The following SNTG1 variants were observed in gnomAD, a reference collection of about 807,000 sequenced individuals.
The protein encoded by SNTG1 is gamma-1-syntrophin.
Under a neutral mutation model 74.7 loss-of-function variants are expected in SNTG1, and 39 were observed. The observed-to-expected ratio is 0.52, with a 90% CI of 0.40 to 0.68. The LOEUF is 0.68. SNTG1 is among the 30% of genes least tolerant of loss of function. The pLI, the probability that SNTG1 is intolerant of heterozygous loss-of-function variation, is 0.00. For missense variants in SNTG1, 685 were observed against 609.5 expected (o/e 1.12, Z -1.30); for synonymous variants, 254 against 217.1 (o/e 1.17, Z -1.49).
intron 13 of SNTG1, among the ~76,000 whole-genome samples, chr8:50,611,037 T>G (rs983143098): frequency 2.6e-5 from 4 of 152,164 alleles, no homozygotes; most frequent in Non-Finnish European, 5.9e-5. Context: ...TAAAAATGCA[T>G]GGAACTTTTT....
chr8:50,062,971 C>T (rs947994079), intron 1 of SNTG1, among the ~76,000 whole-genome samples: 10 of 152,292 alleles, frequency 6.6e-5, no homozygotes, highest in Middle Eastern at 3.4e-3. Flanking sequence ...GAGCTAATGA[C>T]TGCAGACTTA....
At chr8:49,921,575 C>A (rs980389834) in intron 1 of SNTG1, among the ~76,000 whole-genome samples, 1 of 152,020 alleles carries the variant, frequency 6.6e-6, no homozygotes, top group African/African-American at 2.4e-5. Context: ...GTGTTATCTC[C>A]CTTATTGCTT....
chr8:50,766,058 A>C (rs767457315), intron 18 of SNTG1, among the ~76,000 whole-genome samples: 34 of 152,124 alleles, frequency 2.2e-4, no homozygotes, highest in Non-Finnish European at 3.8e-4. Context: ...TATGAGTTGC[A>C]GTGGATTCTA....
chr8:50,162,004 A>G (rs1384367882), intron 1 of SNTG1, among the ~76,000 whole-genome samples: 1 of 152,164 alleles, frequency 6.6e-6, no homozygotes, highest in Non-Finnish European at 1.5e-5. Flanking sequence ...AGGGAAGGAG[A>G]AAGAGAAGAG....
At chr8:50,080,340 TTTTTATGTCCTTGAGTA>T (rs1563563520) in intron 1 of SNTG1, among the ~76,000 whole-genome samples, 1 of 152,184 alleles carries the variant, frequency 6.6e-6, no homozygotes, top group Non-Finnish European at 1.5e-5. Context: ...AATTTCAATC[TTTTTATGTCCTTGAGTA>T]TAAGATGTGT....
chr8:50,421,685 A>G (rs1219613834), intron 4 of SNTG1, among the ~76,000 whole-genome samples: 2 of 152,120 alleles, frequency 1.3e-5, no homozygotes, highest in African/African-American at 4.8e-5. Context: ...CTCTGACAAC[A>G]CCAATAGTCA....
intron 18 of SNTG1, among the ~76,000 whole-genome samples, chr8:50,784,520 A>G (rs1454055807): frequency 1.3e-5 from 2 of 152,218 alleles, no homozygotes; most frequent in Non-Finnish European, 2.9e-5. Flanking sequence ...TGATGATAAC[A>G]GAGCTCCAAA....
At chr8:50,120,037 C>T (rs909321744) in intron 1 of SNTG1, among the ~76,000 whole-genome samples, 8 of 141,524 alleles carry the variant, frequency 5.7e-5, no homozygotes, top group African/African-American at 2.0e-4. Context: ...AAGATGAAAC[C>T]AGTCTTCCTG....
chr8:50,623,517 A>G (rs2094936738), intron 13 of SNTG1, among the ~76,000 whole-genome samples: 1 of 152,112 alleles, frequency 6.6e-6, no homozygotes, highest in African/African-American at 2.4e-5. Context: ...ATTTAATTCA[A>G]TGATCAAGAA....
chr8:50,339,848 G>A (rs1193078021), intron 2 of SNTG1, among the ~76,000 whole-genome samples: 1 of 151,894 alleles, frequency 6.6e-6, no homozygotes, highest in Non-Finnish European at 1.5e-5. Flanking sequence ...TCATTAAAAT[G>A]CTCTAAATAT....
chr8:50,595,100 T>A (rs2094718325), intron 13 of SNTG1, among the ~76,000 whole-genome samples: 1 of 151,882 alleles, frequency 6.6e-6, no homozygotes, highest in Admixed American at 6.6e-5. Context: ...CAATTGGTCT[T>A]TATTTTTGGG....
chr8:50,132,629 CT>C (rs2081352555), intron 1 of SNTG1, among the ~76,000 whole-genome samples: 1 of 152,162 alleles, frequency 6.6e-6, no homozygotes, highest in Non-Finnish European at 1.5e-5. Context: ...TCCTCTGGGC[CT>C]TCTGTGGCAA....
At chr8:50,207,217 G>T (rs1227028360) in intron 2 of SNTG1, among the ~76,000 whole-genome samples, 1 of 152,128 alleles carries the variant, frequency 6.6e-6, no homozygotes. Flanking sequence ...TGGTTGGTAA[G>T]CTATTAATTA....
At chr8:50,168,098 T>A (rs562436914) in intron 1 of SNTG1, among the ~76,000 whole-genome samples, 3 of 152,166 alleles carry the variant, frequency 2.0e-5, no homozygotes, top group Non-Finnish European at 1.5e-5. Context: ...ATTCCTTTAA[T>A]TTGTATGATA....
At chr8:49,953,734 G>T (rs908489570) in intron 1 of SNTG1, among the ~76,000 whole-genome samples, 1 of 152,188 alleles carries the variant, frequency 6.6e-6, no homozygotes, top group East Asian at 1.9e-4. Context: ...CATTGGTATT[G>T]TTATTGCTGA....
chr8:50,174,097 C>A (rs2082906836), intron 2 of SNTG1, among the ~76,000 whole-genome samples: 1 of 152,158 alleles, frequency 6.6e-6, no homozygotes, highest in South Asian at 2.1e-4. Context: ...GTTTGGTTTT[C>A]TGTTCTTGTG....
intron 12 of SNTG1, among the ~76,000 whole-genome samples, chr8:50,574,099 A>T (rs1265077550): frequency 6.6e-6 from 1 of 152,060 alleles, no homozygotes; most frequent in Non-Finnish European, 1.5e-5. Flanking sequence ...CCATTATTGG[A>T]ACGCTAAGCA....
At chr8:50,706,839 G>T (rs2095444889) in intron 16 of SNTG1, among the ~76,000 whole-genome samples, 1 of 151,606 alleles carries the variant, frequency 6.6e-6, no homozygotes, top group Non-Finnish European at 1.5e-5. Flanking sequence ...TTCCAGTAAA[G>T]TTGATAGGGA....
intron 2 of SNTG1, among the ~76,000 whole-genome samples, chr8:50,249,153 G>A (rs555541064): frequency 1.3e-4 from 20 of 152,200 alleles, no homozygotes; most frequent in African/African-American, 4.6e-4. Flanking sequence ...TGCCAGATAC[G>A]AATGGTAACT....
Sources: allele counts gnomAD v4.1 joint callset (sites outside exome capture counted in the v4.1 genomes callset), GRCh38; gene constraint gnomAD v4.1.1; transcripts MANE v1.5; gene names NCBI Gene and HGNC (gene_info 2026-07-23, HGNC 2026-07-21).